Variants in NECAB1 observed in about 807,000 individuals in gnomAD.
The protein encoded by NECAB1 is N-terminal EF-hand calcium-binding protein 1.
NECAB1 carries 29 observed loss-of-function variants against 57.5 expected under a neutral mutation model. The observed-to-expected ratio is 0.50, with a 90% CI of 0.38 to 0.69. The LOEUF (loss-of-function observed/expected upper bound fraction) is 0.69, where lower values mean the gene tolerates loss of function less well. NECAB1 is among the 30% of genes least tolerant of loss of function. The pLI is 0.00. For synonymous variants in NECAB1, 142 were observed against 147.7 expected (o/e 0.96, Z 0.28); for missense variants, 372 against 413.8 (o/e 0.90, Z 0.88).
At chr8:90,932,048 A>G (rs540214320) in intron 8 of NECAB1, among the ~76,000 whole-genome samples, 1 of 152,330 alleles carries the variant, frequency 6.6e-6, no homozygotes, top group African/African-American at 2.4e-5. Flanking sequence ...ATCACAGGAC[A>G]TTCTCATTTG....
rs182668722 is a variant in NECAB1, at chr8:90,892,043, C to T, written c.357+10913C>T. 5.9e-5 allele frequency among the ~76,000 whole-genome samples: 9 copies of T among 152,222 alleles called. No individual in the cohort carries two copies. In the East Asian group the frequency reaches 1.7e-3, roughly 29 times the overall value. On this transcript the variant is annotated intron_variant, in intron 5 of 12. Transcript: ENST00000417640. ...AAGTTTTATGTTTATCCAAACATAG[C>T]AGCTAAAGGCCAAGAATTTTTGGTT...
chr8:90,882,633 T>C (rs1808866076), intron 5 of NECAB1, among the ~76,000 whole-genome samples: 1 of 152,156 alleles, frequency 6.6e-6, no homozygotes, highest in Admixed American at 6.5e-5. Flanking sequence ...AAAGGTCTTC[T>C]CTGACCACTC....
intron 11 of NECAB1, 145 bp downstream of exon 11, chr8:90,950,029 CA>C: frequency 3.8e-6 from 2 of 525,712 alleles, no homozygotes; most frequent in Non-Finnish European, 6.8e-6. Flanking sequence ...GAATTCTACA[CA>C]CTTTAAAAAA....
At chr8:90,945,740 C>T (rs1202294802) in intron 10 of NECAB1, among the ~76,000 whole-genome samples, 1 of 152,144 alleles carries the variant, frequency 6.6e-6, no homozygotes, top group African/African-American at 2.4e-5. Flanking sequence ...CCATTTCCCC[C>T]AGAAGCCATT....
At chr8:90,922,666 T>G (rs1159365726) in intron 6 of NECAB1, among the ~76,000 whole-genome samples, 1 of 151,792 alleles carries the variant, frequency 6.6e-6, no homozygotes, top group East Asian at 1.9e-4. Flanking sequence ...CTAATTTTTG[T>G]GTTTTTAGTA....
At chr8:90,939,838 G>A (rs1810626334) in intron 9 of NECAB1, among the ~76,000 whole-genome samples, 2 of 152,150 alleles carry the variant, frequency 1.3e-5, no homozygotes, top group Admixed American at 6.5e-5. Flanking sequence ...AAACCCATTG[G>A]AATAGAAAAC....
intron 8 of NECAB1, among the ~76,000 whole-genome samples, chr8:90,932,534 C>A (rs1279442827): frequency 6.6e-6 from 1 of 152,126 alleles, no homozygotes; most frequent in Non-Finnish European, 1.5e-5. Flanking sequence ...TCTGGAAGTT[C>A]TCTCTAATAA....
chr8:90,800,875 C>T (rs189244183), intron 1 of NECAB1, among the ~76,000 whole-genome samples: 1 of 152,014 alleles, frequency 6.6e-6, no homozygotes. Context: ...CACTGGAGCA[C>T]CTAGGCCAAG....
intron 2 of NECAB1, among the ~76,000 whole-genome samples, chr8:90,807,702 A>G (rs1280709261): frequency 6.6e-6 from 1 of 152,152 alleles, no homozygotes; most frequent in African/African-American, 2.4e-5. Context: ...CTTTTTGCAA[A>G]CATTTTTGGG....
intron 3 of NECAB1, among the ~76,000 whole-genome samples, chr8:90,846,292 G>C (rs1812557288): frequency 6.6e-6 from 1 of 152,174 alleles, no homozygotes; most frequent in Non-Finnish European, 1.5e-5. Flanking sequence ...TAACAAAATA[G>C]CTTTTGGTTT....
At chr8:90,840,676 G>A (rs375145408) in intron 3 of NECAB1, among the ~76,000 whole-genome samples, 7 of 152,282 alleles carry the variant, frequency 4.6e-5, no homozygotes, top group African/African-American at 1.7e-4. Context: ...CTAGCCAGGG[G>A]AGGTGATATG....
intron 5 of NECAB1, among the ~76,000 whole-genome samples, chr8:90,914,944 G>C (rs547997374): frequency 6.6e-6 from 1 of 152,120 alleles, no homozygotes; most frequent in Non-Finnish European, 1.5e-5. Flanking sequence ...GCAATGACTG[G>C]AATGTTTAAA....
At chr8:90,953,563 T>C (rs1236658827) in intron 12 of NECAB1, among the ~76,000 whole-genome samples, 1 of 152,236 alleles carries the variant, frequency 6.6e-6, no homozygotes, top group Non-Finnish European at 1.5e-5. Flanking sequence ...GCTTGATTTT[T>C]GACACAATTT....
At chr8:90,939,647 T>C (rs1399979068) in intron 9 of NECAB1, among the ~76,000 whole-genome samples, 12 of 152,232 alleles carry the variant, frequency 7.9e-5, no homozygotes, top group Non-Finnish European at 1.8e-4. Flanking sequence ...CTGCAGATTT[T>C]TGTGAAAAGG....
At chr8:90,955,205 G>A (rs1406312024) in intron 12 of NECAB1, among the ~76,000 whole-genome samples, 1 of 141,722 alleles carries the variant, frequency 7.1e-6, no homozygotes, top group Non-Finnish European at 1.5e-5. Flanking sequence ...GCATGATTCT[G>A]TCTTCAGTGC....
chr8:90,869,355 C>T (rs2931245), intron 3 of NECAB1, among the ~76,000 whole-genome samples: 1 of 152,196 alleles, frequency 6.6e-6, no homozygotes, highest in Non-Finnish European at 1.5e-5. Flanking sequence ...GGGCCATCAT[C>T]GTCCAGACCC....
chr8:90,944,162 C>T (rs969065141), intron 10 of NECAB1, among the ~76,000 whole-genome samples: 2 of 152,124 alleles, frequency 1.3e-5, no homozygotes, highest in African/African-American at 4.8e-5. Context: ...CTAAAACTAG[C>T]GTTTAATCCT....
rs1361743276 is a variant in NECAB1, at chr8:90,917,606, GAGGAGCAAACCCGTCA to G, written c.475_490del (p.Glu159LysfsTer45). ...CCTGGAATGTGCCATGGAAACTACT[GAGGAGCAAACCCGTCA>G]AGAAAGGCAATTTACATGTTTTCAT... is the stretch of plus-strand genomic sequence containing the variant. On this transcript the variant is annotated frameshift_variant, in exon 6 of 13. Transcript: ENST00000417640. LOFTEE classifies it high-confidence loss of function. 1.2e-6 allele frequency: 2 copies of G among 1,610,524 alleles called. No homozygotes were observed. Among genetic ancestry groups the G allele is most frequent in the Non-Finnish European group, 1.7e-6 (2 of 1,177,990 alleles).
chr8:90,810,860 C>A (rs1542930), intron 2 of NECAB1, among the ~76,000 whole-genome samples: 1 of 151,760 alleles, frequency 6.6e-6, no homozygotes, highest in South Asian at 2.1e-4. Context: ...GCATGGTGTT[C>A]GGGGACAACA....
Sources: gnomAD v4.1 joint callset for allele counts (sites outside exome capture counted in the v4.1 genomes callset) on GRCh38, gnomAD v4.1.1 for gene constraint, MANE v1.5 for transcripts, NCBI Gene and HGNC (gene_info 2026-07-23, HGNC 2026-07-21) for gene names.